Variants in DCLK1 observed in about 807,000 individuals in gnomAD.
DCLK1 encodes the protein serine/threonine-protein kinase DCLK1.
Under a neutral mutation model 86.2 loss-of-function variants are expected in DCLK1, and 16 were observed. That is an observed-to-expected ratio of 0.19 (90% confidence interval 0.13 to 0.28). The LOEUF is 0.28. DCLK1 is among the 10% of genes least tolerant of loss of function. The probability of loss-of-function intolerance (pLI) is 1.00; values close to 1 mark genes in which losing one functional copy is unlikely to be tolerated. For synonymous variants in DCLK1, 369 were observed against 370.5 expected (o/e 1.00, Z 0.05); for missense variants, 590 against 940.2 (o/e 0.63, Z 4.87).
At chr13:35,785,658 C>A (rs1265143343) in intron 16 of DCLK1, among the ~76,000 whole-genome samples, 1 of 152,142 alleles carries the variant, frequency 6.6e-6, no homozygotes, top group Non-Finnish European at 1.5e-5. Context: ...CCAGCCTGTG[C>A]CCTCATGTGA....
intron 4 of DCLK1, among the ~76,000 whole-genome samples, chr13:35,874,340 A>G (rs1167997958): frequency 2.0e-5 from 3 of 152,232 alleles, no homozygotes; most frequent in Admixed American, 6.5e-5. Context: ...TACAGATGTT[A>G]TAAGACTACA....
At chr13:35,849,293 C>T (rs1013168456) in intron 6 of DCLK1, 7 of 984,792 alleles carry the variant, frequency 7.1e-6, no homozygotes, top group African/African-American at 1.8e-5. Context: ...TTTAAAACAG[C>T]GTGTGACAAC....
intron 3 of DCLK1, among the ~76,000 whole-genome samples, chr13:35,970,340 G>A (rs1464365470): frequency 6.6e-6 from 1 of 152,140 alleles, no homozygotes; most frequent in Non-Finnish European, 1.5e-5. Flanking sequence ...AGCATTTTTT[G>A]AATGGTAGGA....
chr13:36,094,388 T>C (rs1884932206), intron 3 of DCLK1, among the ~76,000 whole-genome samples: 1 of 152,204 alleles, frequency 6.6e-6, no homozygotes, highest in South Asian at 2.1e-4. Context: ...GAATACAAAA[T>C]TAACAACAGA....
intron 3 of DCLK1, among the ~76,000 whole-genome samples, chr13:36,050,414 G>A (rs958888791): frequency 1.3e-5 from 2 of 151,968 alleles, no homozygotes; most frequent in Non-Finnish European, 2.9e-5. Flanking sequence ...TTAAATTCTT[G>A]GTGGACTTGA....
chr13:36,064,669 AAAG>A (rs895111763), intron 3 of DCLK1, among the ~76,000 whole-genome samples: 10 of 151,700 alleles, frequency 6.6e-5, no homozygotes, highest in South Asian at 4.2e-4. Flanking sequence ...TAAAAAAAAA[AAAG>A]AAAGAAAGTC....
chr13:35,782,251 G>A (rs1593583080), intron 16 of DCLK1, among the ~76,000 whole-genome samples: 1 of 152,112 alleles, frequency 6.6e-6, no homozygotes, highest in East Asian at 1.9e-4. Flanking sequence ...GTGGGTTTCT[G>A]ATGGCCTCCC....
chr13:35,834,580 G>C (rs557403954), intron 8 of DCLK1, among the ~76,000 whole-genome samples: 2 of 152,342 alleles, frequency 1.3e-5, no homozygotes, highest in South Asian at 4.1e-4. Flanking sequence ...TAAGGACTTT[G>C]TAGATAGTTT....
rs1321315475 is a variant in DCLK1, at chr13:35,958,222, C to T, written c.724-10765G>A. Among the ~76,000 whole-genome samples, 126 of 151,552 alleles carry T rather than the reference C, an allele frequency of 8.3e-4. 2 individuals are homozygous for T. Among genetic ancestry groups the T allele is most frequent in the Admixed American group, 2.6e-3 (40 of 15,258 alleles). On this transcript the variant is annotated intron_variant, in intron 3 of 16. Transcript: ENST00000360631. Reference sequence around the variant, plus strand: ...ACCACCATTATAACCATCACCACCACCACTATAACCACCATCATCACCACC... The same window carrying T: ...ACCACCATTATAACCATCACCACCATCACTATAACCACCATCATCACCACC...
chr13:35,992,294 T>G (rs973737130), intron 3 of DCLK1, among the ~76,000 whole-genome samples: 19 of 152,320 alleles, frequency 1.2e-4, no homozygotes, highest in Admixed American at 3.9e-4. Context: ...AGGATTTGCT[T>G]TTGCAAGCCA....
chr13:35,895,153 G>A (rs1873879794), intron 4 of DCLK1, among the ~76,000 whole-genome samples: 1 of 152,078 alleles, frequency 6.6e-6, no homozygotes, highest in Non-Finnish European at 1.5e-5. Flanking sequence ...ATGTTGTTCA[G>A]GCTAGTCTCG....
At chr13:35,844,240 G>T (rs1870016318) in intron 6 of DCLK1, among the ~76,000 whole-genome samples, 1 of 152,128 alleles carries the variant, frequency 6.6e-6, no homozygotes, top group Admixed American at 6.5e-5. Context: ...TAAAGATTTG[G>T]ATAATTTTTT....
chr13:35,857,150 A>G (rs1356893452), intron 5 of DCLK1, among the ~76,000 whole-genome samples: 2 of 152,208 alleles, frequency 1.3e-5, no homozygotes, highest in Non-Finnish European at 2.9e-5. Context: ...CAGCCAACAC[A>G]ATAAGCCTTG....
intron 5 of DCLK1, among the ~76,000 whole-genome samples, chr13:35,861,215 A>T (rs1214331168): frequency 6.6e-6 from 1 of 152,122 alleles, no homozygotes; most frequent in Non-Finnish European, 1.5e-5. Flanking sequence ...GAGAGAAAAG[A>T]GTTGGTGATG....
chr13:35,784,291 C>T (rs1236242206), intron 16 of DCLK1, among the ~76,000 whole-genome samples: 1 of 152,206 alleles, frequency 6.6e-6, no homozygotes. Context: ...AATGCCATGA[C>T]ATTTTCTCAT....
intron 15 of DCLK1, among the ~76,000 whole-genome samples, chr13:35,795,482 T>A (rs1425725143): frequency 6.6e-6 from 1 of 152,234 alleles, no homozygotes; most frequent in Non-Finnish European, 1.5e-5. Context: ...TACTGTGGTA[T>A]TTTTATAGTA....
At chr13:35,873,640 C>T (rs1283830542) in intron 4 of DCLK1, among the ~76,000 whole-genome samples, 1 of 152,146 alleles carries the variant, frequency 6.6e-6, no homozygotes, top group East Asian at 1.9e-4. Flanking sequence ...CCCACCTCAG[C>T]CTCCCAAAGT....
Position 35,982,427 on chromosome 13 carries a change from AGAGAGGGGGAGGGAGGGAGGGAGGGAGG to A in DCLK1, c.724-34998_724-34971del, listed in dbSNP as rs1392583889. Among the ~76,000 whole-genome samples, 21 of 54,252 alleles carry A rather than the reference AGAGAGGGGGAGGGAGGGAGGGAGGGAGG, an allele frequency of 3.9e-4. 1 individual carries two copies. The highest frequency in any genetic ancestry group is 0.011 in the Middle Eastern group (1 of 94). 35.6% of individuals were successfully genotyped at this position (54,252 alleles called of 152,430 possible). ...AAGAAAGGGAGAGAGAGAGAGAGAG[AGAGAGGGGGAGGGAGGGAGGGAGGGAGG>A]GAGGGAGGGAGGGAGGGAGGGAGAA... On this transcript the variant is annotated intron_variant, in intron 3 of 16. Transcript: ENST00000360631.
intron 3 of DCLK1, among the ~76,000 whole-genome samples, chr13:35,978,501 C>T (rs1879471018): frequency 6.6e-6 from 1 of 151,994 alleles, no homozygotes; most frequent in African/African-American, 2.4e-5. Flanking sequence ...CCACCGTGCC[C>T]GGTCTAGAAT....
Sources: gnomAD v4.1 joint callset for allele counts (sites outside exome capture counted in the v4.1 genomes callset) on GRCh38, gnomAD v4.1.1 for gene constraint, MANE v1.5 for transcripts, NCBI Gene and HGNC (gene_info 2026-07-23, HGNC 2026-07-21) for gene names.